Variants in PPFIBP2 observed in about 807,000 individuals in gnomAD.
The protein encoded by PPFIBP2 is PPFIB scaffold protein 2, also known as liprin-beta-2.
In PPFIBP2, 118 loss-of-function variants were observed where a neutral mutation model predicts 118.3. That is an observed-to-expected ratio of 1.00 (90% confidence interval 0.86 to 1.16). PPFIBP2 has a LOEUF of 1.16. Ranked by LOEUF, PPFIBP2 falls within the 50% of genes most tolerant of loss-of-function variation. PPFIBP2 has a pLI of 0.00. For synonymous variants in PPFIBP2, 414 were observed against 397.4 expected (o/e 1.04, Z -0.50); for missense variants, 1,195 against 1,073.1 (o/e 1.11, Z -1.59).
At chr11:7,655,387 C>G, downstream of PPFIBP2, 9 of 1,262,310 alleles carry the variant, frequency 7.1e-6, no homozygotes, top group Non-Finnish European at 9.3e-6. Flanking sequence ...CTCTGAATCA[C>G]AAGCTGCATC....
intron 1 of PPFIBP2, among the ~76,000 whole-genome samples, chr11:7,544,386 C>G (rs1026515143): frequency 1.3e-5 from 2 of 152,142 alleles, no homozygotes; most frequent in African/African-American, 4.8e-5. Flanking sequence ...TTGGGTGCCC[C>G]TCGTACAGTC....
chr11:7,640,384 T>C (rs1852011911), intron 15 of PPFIBP2, among the ~76,000 whole-genome samples: 1 of 152,174 alleles, frequency 6.6e-6, no homozygotes, highest in Admixed American at 6.5e-5. Flanking sequence ...TGGGCAAGGG[T>C]GTCGGTCTGC....
chr11:7,614,950 T>C (rs1262149933), intron 6 of PPFIBP2, among the ~76,000 whole-genome samples: 2 of 152,050 alleles, frequency 1.3e-5, no homozygotes, highest in African/African-American at 2.4e-5. Context: ...CATCATGATG[T>C]GGAACCCAGA....
chr11:7,590,807 A>C (rs1446639620), intron 3 of PPFIBP2, among the ~76,000 whole-genome samples: 1 of 152,174 alleles, frequency 6.6e-6, no homozygotes, highest in Non-Finnish European at 1.5e-5. Flanking sequence ...CATCACACAA[A>C]AGTAATGAGT....
At chr11:7,577,359 G>C (rs528166458) in intron 3 of PPFIBP2, 1 of 337,918 alleles carries the variant, frequency 3.0e-6, no homozygotes, top group African/African-American at 2.2e-5. Context: ...GTGTTTGTTG[G>C]GGTGGTCGGG....
At chr11:7,562,421 C>A (rs1449817053) in intron 2 of PPFIBP2, among the ~76,000 whole-genome samples, 2 of 152,186 alleles carry the variant, frequency 1.3e-5, no homozygotes, top group African/African-American at 4.8e-5. Context: ...TGGCCTGATA[C>A]AATAAAGCAG....
intron 2 of PPFIBP2, 25 bp from the exon 3 acceptor site, chr11:7,565,528 A>G (rs1854868102): frequency 4.3e-6 from 7 of 1,612,716 alleles, no homozygotes; most frequent in African/African-American, 4.0e-5. Context: ...CTTCTTACTG[A>G]GTTTTCACCT....
At chr11:7,559,868 T>C (rs945224969) in intron 2 of PPFIBP2, among the ~76,000 whole-genome samples, 1 of 152,228 alleles carries the variant, frequency 6.6e-6, no homozygotes, top group Non-Finnish European at 1.5e-5. Flanking sequence ...TTGAGTTCAC[T>C]CTTTGTTTCT....
chr11:7,625,253 C>T (rs1349868390), intron 7 of PPFIBP2, among the ~76,000 whole-genome samples: 1 of 152,028 alleles, frequency 6.6e-6, no homozygotes, highest in Non-Finnish European at 1.5e-5. Flanking sequence ...AGGGTAGGAG[C>T]GTGTGGAGGG....
chr11:7,562,067 A>G (rs774213787), intron 2 of PPFIBP2, among the ~76,000 whole-genome samples: 10 of 152,332 alleles, frequency 6.6e-5, no homozygotes. Flanking sequence ...GATCCCTCGC[A>G]TGCACAGTTC....
downstream of PPFIBP2, chr11:7,656,620 T>C (rs1388002812): frequency 3.0e-6 from 2 of 661,386 alleles, no homozygotes; most frequent in Non-Finnish European, 2.4e-6. Context: ...AGTGCACCTG[T>C]GTCAGATGCA....
At chr11:7,559,437 T>C (rs1854047633) in intron 2 of PPFIBP2, among the ~76,000 whole-genome samples, 1 of 152,206 alleles carries the variant, frequency 6.6e-6, no homozygotes, top group African/African-American at 2.4e-5. Flanking sequence ...TTGCAATTGC[T>C]AATGCTGGGC....
chr11:7,666,048 G>T, the PPFIBP2 span: 8 of 766,966 alleles, frequency 1.0e-5, no homozygotes, highest in South Asian at 1.6e-5. Context: ...GCTGTCTGGG[G>T]GCTCAGCATG....
chr11:7,602,429 T>G (rs971629343), intron 5 of PPFIBP2, among the ~76,000 whole-genome samples: 6 of 152,200 alleles, frequency 3.9e-5, no homozygotes, highest in African/African-American at 9.7e-5. Context: ...TGGCATTTTC[T>G]AAAGTAGCCA....
At chr11:7,604,802 G>A (rs1220112124) in intron 5 of PPFIBP2, among the ~76,000 whole-genome samples, 1 of 152,196 alleles carries the variant, frequency 6.6e-6, no homozygotes, top group Non-Finnish European at 1.5e-5. Context: ...GAGTAGCACA[G>A]AGCTTGGTGG....
chr11:7,597,044 T>C, intron 4 of PPFIBP2: 1 of 751,392 alleles, frequency 1.3e-6, no homozygotes, highest in Non-Finnish European at 1.9e-6. Context: ...GTTTTGTCAG[T>C]GCTAATACAT....
chr11:7,526,394 C>G (rs1362190086), intron 1 of PPFIBP2, among the ~76,000 whole-genome samples: 1 of 152,260 alleles, frequency 6.6e-6, no homozygotes, highest in East Asian at 1.9e-4. Flanking sequence ...AGACTCTTCC[C>G]ATTATTAAAA....
intron 6 of PPFIBP2, chr11:7,617,087 CTCT>C: frequency 7.1e-6 from 7 of 984,238 alleles, no homozygotes; most frequent in Non-Finnish European, 8.4e-6. Flanking sequence ...GAGTGCTTTT[CTCT>C]TCTTTCTTTT....
chr11:7,586,126 G>A (rs1001799842), intron 3 of PPFIBP2, among the ~76,000 whole-genome samples: 9 of 152,180 alleles, frequency 5.9e-5, no homozygotes, highest in Non-Finnish European at 1.3e-4. Flanking sequence ...GTTCTGCGTT[G>A]TCACTGTCAC....
Sources: allele counts gnomAD v4.1 joint callset (sites outside exome capture counted in the v4.1 genomes callset), GRCh38; gene constraint gnomAD v4.1.1; transcripts MANE v1.5; gene names NCBI Gene and HGNC (gene_info 2026-07-23, HGNC 2026-07-21).